Variants in FRMD5 observed in about 807,000 individuals in gnomAD.
The protein encoded by FRMD5 is FERM domain containing 5.
In FRMD5, 20 loss-of-function variants were observed where a neutral mutation model predicts 69.0. The observed-to-expected ratio is 0.29, with a 90% CI of 0.20 to 0.42. FRMD5 has a LOEUF of 0.42. FRMD5 is among the 10% of genes least tolerant of loss of function. The pLI is 1.00. For missense variants in FRMD5, 595 were observed against 708.6 expected, an observed-to-expected ratio of 0.84 and a Z score of 1.82; for synonymous variants, 271 against 260.1, an observed-to-expected ratio of 1.04 and a Z score of -0.40.
At chr15:43,926,458 C>T (rs560177538) in intron 1 of FRMD5, among the ~76,000 whole-genome samples, 83 of 152,286 alleles carry the variant, frequency 5.5e-4, no homozygotes, top group Non-Finnish European at 9.1e-4. Context: ...TGCCAAGGCC[C>T]AAGGCCATGG....
At chr15:44,057,129 A>G (rs1892900520) in intron 1 of FRMD5, among the ~76,000 whole-genome samples, 1 of 111,508 alleles carries the variant, frequency 9.0e-6, no homozygotes, top group African/African-American at 3.1e-5. Context: ...GCTCTTATGA[A>G]CTGTTCTATT....
chr15:43,929,503 G>A (rs1595529301), intron 1 of FRMD5, among the ~76,000 whole-genome samples: 1 of 152,332 alleles, frequency 6.6e-6, no homozygotes, highest in East Asian at 1.9e-4. Context: ...GAGGGTAAGA[G>A]TGATTCCAAC....
Position 43,871,412 on chromosome 15 carries a change from A to G in FRMD5, c.*2473T>C, listed in dbSNP as rs954894193. 1 of 152,274 alleles carries G rather than the reference A, an allele frequency of 6.6e-6. No individual in the cohort carries two copies. Among genetic ancestry groups the G allele is most frequent in the African/African-American group, 2.4e-5 (1 of 41,472 alleles). The allele number at this position is 152,274 out of a possible 1,614,324, so 9.4% of individuals were successfully genotyped here. A position where few individuals can be genotyped will look rare whatever the true frequency, so the allele number is the denominator to read the frequency against. On this transcript the variant is annotated 3_prime_UTR_variant, in exon 14 of 14. Transcript: ENST00000417257. ...AATATGAAAGGTCAGAGTTGAGGCT[A>G]TCACTCACTGCATAGAAACACCAGA...
chr15:43,898,046 C>G (rs899746198), intron 7 of FRMD5, among the ~76,000 whole-genome samples: 18 of 152,180 alleles, frequency 1.2e-4, no homozygotes, highest in Non-Finnish European at 2.6e-4. Context: ...TTATAAATTA[C>G]TCAGTCTCAG....
At chr15:44,050,689 G>A (rs974820868) in intron 1 of FRMD5, among the ~76,000 whole-genome samples, 7 of 143,356 alleles carry the variant, frequency 4.9e-5, no homozygotes, top group Non-Finnish European at 9.1e-5. Flanking sequence ...ACAGAGTCTC[G>A]CTCTGTCGCC....
At chr15:43,913,411 A>G (rs1038128549) in intron 4 of FRMD5, among the ~76,000 whole-genome samples, 4 of 152,278 alleles carry the variant, frequency 2.6e-5, no homozygotes, top group African/African-American at 9.6e-5. Context: ...CAGCTTCAAG[A>G]GAGAGAATGA....
chr15:44,018,861 G>C (rs1891085036), intron 1 of FRMD5, among the ~76,000 whole-genome samples: 1 of 152,048 alleles, frequency 6.6e-6, no homozygotes, highest in South Asian at 2.1e-4. Context: ...AAGAGGGAGA[G>C]AGATGGCTAA....
chr15:44,185,061 T>C (rs778725822), intron 1 of FRMD5, among the ~76,000 whole-genome samples: 1 of 152,242 alleles, frequency 6.6e-6, no homozygotes, highest in Non-Finnish European at 1.5e-5. Context: ...ACAAACTTTT[T>C]AAAATTATTT....
intron 4 of FRMD5, among the ~76,000 whole-genome samples, chr15:43,912,242 A>C (rs2089301648): frequency 6.6e-6 from 1 of 152,158 alleles, no homozygotes; most frequent in Non-Finnish European, 1.5e-5. Context: ...GGAAGTTAAT[A>C]AGAACCCATC....
intron 1 of FRMD5, among the ~76,000 whole-genome samples, chr15:44,105,887 C>T (rs2140551275): frequency 6.6e-6 from 1 of 152,252 alleles, no homozygotes; most frequent in East Asian, 1.9e-4. Flanking sequence ...GTTCCAGGAA[C>T]CCCCACAGAT....
chr15:44,143,190 T>G (rs535699881), intron 1 of FRMD5, among the ~76,000 whole-genome samples: 77 of 152,104 alleles, frequency 5.1e-4, no homozygotes, highest in South Asian at 1.2e-3. Flanking sequence ...GGGGCACCTA[T>G]CCCACCTAAT....
intron 1 of FRMD5, among the ~76,000 whole-genome samples, chr15:44,042,581 C>T (rs375616172): frequency 1.2e-4 from 18 of 152,238 alleles, no homozygotes; most frequent in East Asian, 5.8e-4. Flanking sequence ...TTATCCACCA[C>T]GATCAAGTCA....
chr15:43,935,395 A>T (rs560387512), intron 1 of FRMD5, among the ~76,000 whole-genome samples: 1 of 152,270 alleles, frequency 6.6e-6, no homozygotes, highest in East Asian at 1.9e-4. Context: ...GAGGCAGGAG[A>T]GCTGCTTGAA....
intron 1 of FRMD5, among the ~76,000 whole-genome samples, chr15:43,952,079 C>T (rs1258143061): frequency 2.0e-5 from 3 of 150,962 alleles, no homozygotes; most frequent in Non-Finnish European, 1.5e-5. Flanking sequence ...CATAGACTGT[C>T]CCATCCAAGC....
At chr15:43,879,912 C>T (rs905259685) in intron 13 of FRMD5, 12 of 350,266 alleles carry the variant, frequency 3.4e-5, no homozygotes, top group Admixed American at 1.9e-4. Context: ...GAGAGGCCAC[C>T]GTTATCAGGG....
intron 13 of FRMD5, 113 bp from the exon 14 acceptor site, chr15:43,874,575 C>A: frequency 2.7e-6 from 2 of 729,564 alleles, no homozygotes; most frequent in Non-Finnish European, 4.7e-6. Context: ...TGACCAGCAG[C>A]AGTAGCCACT....
intron 6 of FRMD5, 46 bp downstream of exon 6, chr15:43,905,782 C>T: frequency 6.2e-7 from 1 of 1,610,566 alleles, no homozygotes; most frequent in African/African-American, 1.3e-5. Flanking sequence ...CGTGCTCAGG[C>T]TGTGGAGAAG....
intron 1 of FRMD5, among the ~76,000 whole-genome samples, chr15:44,030,497 A>C (rs1361464195): frequency 6.6e-6 from 1 of 152,324 alleles, no homozygotes; most frequent in African/African-American, 2.4e-5. Flanking sequence ...CCCTGGATGA[A>C]TAAAGCGAAC....
chr15:44,115,947 T>C (rs936464088), intron 1 of FRMD5, among the ~76,000 whole-genome samples: 2 of 152,186 alleles, frequency 1.3e-5, no homozygotes, highest in African/African-American at 4.8e-5. Flanking sequence ...CTCTGGATTA[T>C]GCTAATAAGC....
Sources: allele counts gnomAD v4.1 joint callset (sites outside exome capture counted in the v4.1 genomes callset), GRCh38; gene constraint gnomAD v4.1.1; transcripts MANE v1.5; gene names NCBI Gene and HGNC (gene_info 2026-07-23, HGNC 2026-07-21).